DMD: variants seen among roughly 807,000 people sequenced by gnomAD.
DMD encodes dystrophin.
DMD carries 63 observed loss-of-function variants against 330.1 expected under a neutral mutation model. That is an observed-to-expected ratio of 0.19 (90% CI 0.16 to 0.24). DMD has a LOEUF of 0.24. Ranked by LOEUF, DMD falls within the 10% of genes least tolerant of loss-of-function variation. The pLI is 1.00. For synonymous variants in DMD, 1,223 were observed against 959.8 expected, an observed-to-expected ratio of 1.27 and a Z score of -5.07; for missense variants, 3,344 against 2,684.1, an observed-to-expected ratio of 1.25 and a Z score of -5.43.
At chrX:31,697,204 CAT>C (rs1173050136) in intron 52 of DMD, among the ~76,000 whole-genome samples, 5 of 111,470 alleles carry the variant, frequency 4.5e-5, no homozygotes, top group African/African-American at 6.5e-5. Flanking sequence ...AGATCAAAAA[CAT>C]ATTATGGCAA....
At chrX:32,316,650 T>C (rs1055304556) in intron 41 of DMD, among the ~76,000 whole-genome samples, 1 of 111,463 alleles carries the variant, frequency 9.0e-6, no homozygotes. Flanking sequence ...ACTCATTTTC[T>C]AGAAAATTCC....
At chrX:33,314,138 A>T (rs2053891868) in intron 1 of DMD, among the ~76,000 whole-genome samples, 2 of 104,835 alleles carry the variant, frequency 1.9e-5, no homozygotes, top group Admixed American at 1.0e-4. Flanking sequence ...CACAACCCCC[A>T]TTTATGTATA....
Position 32,126,155 on chromosome X carries a change from G to A in DMD, c.6438+90761C>T, listed in dbSNP as rs143112245. Among the ~76,000 whole-genome samples, 986 of 112,133 alleles carry A rather than the reference G, an allele frequency of 8.8e-3. 11 individuals are homozygous for A. Among genetic ancestry groups the A allele is most frequent in the African/African-American group, 0.03 (915 of 30,847 alleles). On this transcript the variant is annotated intron_variant, in intron 44 of 78. Coordinates refer to ENST00000357033, the MANE Select transcript of DMD (RefSeq NM_004006.3). ...AGAGATTACAGAAACTGACCCTCTC[G>A]AACTCAACAGAAGCTGTAGACCACA...
intron 1 of DMD, among the ~76,000 whole-genome samples, chrX:33,050,827 T>G (rs1324163219): frequency 1.8e-5 from 2 of 112,410 alleles, no homozygotes; most frequent in South Asian, 3.6e-4. Context: ...TCAATACCTG[T>G]GTAGCCATTT....
At chrX:32,833,623 C>T (rs2148910359) in intron 4 of DMD, among the ~76,000 whole-genome samples, 1 of 102,696 alleles carries the variant, frequency 9.7e-6, no homozygotes, top group Admixed American at 1.1e-4. Context: ...TAGGATGTAA[C>T]TTTAACGACA....
intron 51 of DMD, among the ~76,000 whole-genome samples, chrX:31,750,497 G>A (rs2088432324): frequency 9.0e-6 from 1 of 110,697 alleles, no homozygotes; most frequent in South Asian, 3.9e-4. Context: ...CTGTTCCATT[G>A]ATCTATATGT....
intron 7 of DMD, among the ~76,000 whole-genome samples, chrX:32,762,099 C>A (rs1383998289): frequency 9.3e-6 from 1 of 107,076 alleles, no homozygotes; most frequent in Non-Finnish European, 1.9e-5. Flanking sequence ...TGCAGTGAGG[C>A]CAGATCGTAC....
rs151208391 is a variant in DMD at position 31,814,482 on chromosome X, C to CAAAAAAAA, written c.7309+5485_7309+5492dup. Reference sequence around the variant, plus strand: ...TGGGCGACAGAGTGAGACTCCGTCTCAAAAAAAAAAAAAAAAAAAAAAAAA... The same window carrying CAAAAAAAA: ...TGGGCGACAGAGTGAGACTCCGTCTCAAAAAAAAAAAAAAAAAAAAAAAAAAAAAAAAA... On this transcript the variant is annotated intron_variant, in intron 50 of 78. Coordinates refer to ENST00000357033, the MANE Select transcript of DMD (RefSeq NM_004006.3). Among the ~76,000 whole-genome samples the CAAAAAAAA allele has an allele frequency of 7.2e-4, 21 of 28,993 alleles. 2 individuals carry two copies. Among genetic ancestry groups the CAAAAAAAA allele is most frequent in the East Asian group, 1.4e-3 (1 of 720 alleles). The allele number at this position is 28,993 out of a possible 115,157, so 25.2% of individuals were successfully genotyped here.
At chrX:33,116,649 A>C (rs2095387344) in intron 1 of DMD, among the ~76,000 whole-genome samples, 1 of 111,943 alleles carries the variant, frequency 8.9e-6, no homozygotes, top group Non-Finnish European at 1.9e-5. Context: ...GGTAGAAATA[A>C]CTATGTGGAA....
intron 38 of DMD, among the ~76,000 whole-genome samples, chrX:32,347,380 C>T (rs757257893): frequency 9.0e-6 from 1 of 111,334 alleles, no homozygotes; most frequent in South Asian, 3.7e-4. Context: ...AAGAGGTAAT[C>T]AGTACTTTTT....
At chrX:32,666,892 C>A (rs1248179165) in intron 9 of DMD, among the ~76,000 whole-genome samples, 1 of 108,974 alleles carries the variant, frequency 9.2e-6, no homozygotes, top group Admixed American at 9.8e-5. Flanking sequence ...TCAAAACCAC[C>A]ATATGACCCA....
chrX:33,333,227 T>A (rs1378940775), intron 1 of DMD, among the ~76,000 whole-genome samples: 1 of 111,730 alleles, frequency 9.0e-6, no homozygotes, highest in African/African-American at 3.2e-5. Context: ...CAGAATTTTT[T>A]CTTTCTGTAA....
intron 55 of DMD, among the ~76,000 whole-genome samples, chrX:31,548,573 T>C (rs909814636): frequency 1.0e-4 from 11 of 108,481 alleles, no homozygotes; most frequent in African/African-American, 1.3e-4. Flanking sequence ...TTTTTTTTTT[T>C]TGAGACAGGG....
chrX:31,864,591 G>T (rs1222402845), intron 48 of DMD, among the ~76,000 whole-genome samples: 2 of 102,682 alleles, frequency 1.9e-5, no homozygotes, highest in Non-Finnish European at 3.9e-5. Context: ...CTGGGTTCAA[G>T]CAATTCTCAT....
intron 7 of DMD, among the ~76,000 whole-genome samples, chrX:32,803,043 T>TA (rs2076694024): frequency 8.9e-6 from 1 of 111,972 alleles, no homozygotes; most frequent in South Asian, 3.7e-4. Context: ...GAAGGAATGG[T>TA]ACTAGCTCCT....
At chrX:31,325,074 T>A (rs2056686596) in intron 61 of DMD, among the ~76,000 whole-genome samples, 2 of 112,119 alleles carry the variant, frequency 1.8e-5, no homozygotes, top group African/African-American at 6.5e-5. Flanking sequence ...AAATTTTTAA[T>A]ACAGAGAAAA....
intron 30 of DMD, among the ~76,000 whole-genome samples, chrX:32,400,928 A>G (rs1183383930): frequency 9.1e-6 from 1 of 110,439 alleles, no homozygotes; most frequent in Non-Finnish European, 1.9e-5. Context: ...CTTGGAACCA[A>G]CCCAAATGTC....
At chrX:32,982,189 T>C (rs1458280003) in intron 2 of DMD, among the ~76,000 whole-genome samples, 2 of 111,661 alleles carry the variant, frequency 1.8e-5, no homozygotes, top group Admixed American at 1.9e-4. Context: ...AAATAGTCAC[T>C]TTTTATAGAC....
chrX:32,407,543 A>T (rs1338313000), intron 30 of DMD, among the ~76,000 whole-genome samples: 1 of 111,142 alleles, frequency 9.0e-6, no homozygotes, highest in Non-Finnish European at 1.9e-5. Context: ...AACTAGTTCA[A>T]CCATTGTGGA....
Sources: gnomAD v4.1 joint callset for allele counts (sites outside exome capture counted in the v4.1 genomes callset) on GRCh38, gnomAD v4.1.1 for gene constraint, MANE v1.5 for transcripts, NCBI Gene and HGNC (gene_info 2026-07-23, HGNC 2026-07-21) for gene names.